Variants in TEC observed in about 807,000 individuals in gnomAD.
TEC encodes tyrosine-protein kinase Tec.
In TEC, 72 loss-of-function variants were observed where a neutral mutation model predicts 93.0. The ratio of observed to expected loss-of-function variants is 0.77; its 90% CI spans 0.64 to 0.94. The LOEUF is 0.94. Ranked by LOEUF, TEC falls within the 40% of genes least tolerant of loss-of-function variation. TEC has a pLI of 0.00. For missense variants in TEC, 630 were observed against 757.9 expected (o/e 0.83, Z 1.98); for synonymous variants, 249 against 247.7 (o/e 1.01, Z -0.05).
intron 1 of TEC, among the ~76,000 whole-genome samples, chr4:48,229,866 G>A (rs1325179923): frequency 6.6e-6 from 1 of 151,608 alleles, no homozygotes; most frequent in Non-Finnish European, 1.5e-5. Flanking sequence ...CTGAGGTCAC[G>A]AGTTTGAGAC....
intron 7 of TEC, among the ~76,000 whole-genome samples, chr4:48,164,878 C>T (rs1327634699): frequency 6.6e-6 from 1 of 152,018 alleles, no homozygotes; most frequent in Non-Finnish European, 1.5e-5. Context: ...TGGAACATGC[C>T]TATAATTCCA....
At chr4:48,179,603 G>A (rs971676072) in intron 2 of TEC, among the ~76,000 whole-genome samples, 6 of 151,238 alleles carry the variant, frequency 4.0e-5, no homozygotes, top group African/African-American at 1.2e-4. Flanking sequence ...TGGCCGGGCT[G>A]GTCTCAAACT....
Position 48,228,652 on chromosome 4 carries a change from C to G in TEC, c.-38G>C. 2 of 1,597,824 alleles carry G rather than the reference C, an allele frequency of 1.3e-6. No homozygotes were observed. Among genetic ancestry groups the G allele is most frequent in the Admixed American group, 3.6e-5 (2 of 56,254 alleles). ...ATTACTCCTCCTGCCACTGAAGATCCCAGTATTCTACAGTGAAAAAAGAAA... is the reference window on the plus strand; with the variant it reads ...ATTACTCCTCCTGCCACTGAAGATCGCAGTATTCTACAGTGAAAAAAGAAA... On this transcript the variant is annotated 5_prime_UTR_variant, in exon 2 of 18. Coordinates refer to ENST00000381501, the MANE Select transcript of TEC (RefSeq NM_003215.3).
intron 1 of TEC, among the ~76,000 whole-genome samples, chr4:48,246,092 A>G (rs34712902): frequency 0.15 from 22,650 of 152,098 alleles, 2,038 homozygotes; most frequent in Non-Finnish European, 0.2. Flanking sequence ...CTGCGTAACA[A>G]GAGTGATACT....
chr4:48,141,395 CACTT>C lies in TEC; in HGVS notation c.1491_1494del (p.Ser498ArgfsTer5). 6.2e-7 allele frequency: 1 copy of C among 1,613,860 alleles called. No homozygotes were observed. Among genetic ancestry groups the C allele is most frequent in the Non-Finnish European group, 8.5e-7 (1 of 1,179,936 alleles). ...TCAGATACTTTTACAACTCCCGCCT[CACTT>C]ACTAGACAATTTCTGGCAGCCTGGA... On this transcript the variant is annotated frameshift_variant, in exon 15 of 18. Transcript: ENST00000381501. LOFTEE classifies it high-confidence loss of function.
chr4:48,150,716 G>C, intron 10 of TEC, 147 bp downstream of exon 10: 2 of 530,726 alleles, frequency 3.8e-6, no homozygotes, highest in Non-Finnish European at 6.5e-6. Context: ...ACAAAAAACA[G>C]TATATACACT....
At chr4:48,252,489 C>A (rs1724229940) in intron 1 of TEC, among the ~76,000 whole-genome samples, 1 of 152,110 alleles carries the variant, frequency 6.6e-6, no homozygotes, top group Non-Finnish European at 1.5e-5. Context: ...GGGTTCTGTC[C>A]CTGGTTCTGC....
At chr4:48,236,327 A>G (rs1339821283) in intron 1 of TEC, among the ~76,000 whole-genome samples, 3 of 151,554 alleles carry the variant, frequency 2.0e-5, no homozygotes, top group Admixed American at 6.6e-5. Context: ...TGTCGCCCAG[A>G]CTGGAGTGCA....
intron 2 of TEC, among the ~76,000 whole-genome samples, chr4:48,179,362 ATATATATATATATATTTTTTTT>A (rs1721479371): frequency 2.5e-5 from 1 of 39,444 alleles, no homozygotes; most frequent in Non-Finnish European, 5.1e-5. Context: ...ATATATATAT[ATATATATATATATATTTTTTTT>A]TTTTTTTTTT....
chr4:48,177,326 C>T (rs1467588521), intron 2 of TEC, among the ~76,000 whole-genome samples: 4 of 152,180 alleles, frequency 2.6e-5, no homozygotes, highest in Admixed American at 6.5e-5. Context: ...GTTACTTTTT[C>T]TTCATTGGTA....
chr4:48,182,532 ACT>A (rs1721633472), intron 2 of TEC, among the ~76,000 whole-genome samples: 2 of 71,942 alleles, frequency 2.8e-5, no homozygotes, highest in East Asian at 8.0e-4. Flanking sequence ...CATGGGCAAT[ACT>A]CTGTGTGTGT....
intron 1 of TEC, among the ~76,000 whole-genome samples, chr4:48,234,393 A>AC (rs35816327): frequency 1.3e-5 from 2 of 151,990 alleles, no homozygotes; most frequent in Non-Finnish European, 2.9e-5. Context: ...AGGTAAAGGG[A>AC]CCCCCTCCCC....
intron 2 of TEC, among the ~76,000 whole-genome samples, chr4:48,208,636 T>G (rs1912163): frequency 0.16 from 24,099 of 151,970 alleles, 2,882 homozygotes; most frequent in African/African-American, 0.32. Context: ...TCTTCCTAAG[T>G]TCTCTATTCC....
chr4:48,165,875 A>G (rs1720854527), intron 7 of TEC, among the ~76,000 whole-genome samples: 2 of 152,202 alleles, frequency 1.3e-5, no homozygotes. Context: ...GGAAACTGGA[A>G]TTACATAATT....
chr4:48,145,415 CT>C lies in TEC; in HGVS notation c.1245del (p.Val416Ter). On this transcript the variant is annotated frameshift_variant, in exon 13 of 18. Coordinates refer to ENST00000381501, the MANE Select transcript of TEC (RefSeq NM_003215.3). LOFTEE classifies it high-confidence loss of function. ...AAGATGATAGCAACTTACATCATCACTTTAGCTTCTTCTATAAAGTCCTCCT... is the reference window on the plus strand; with the variant it reads ...AAGATGATAGCAACTTACATCATCACTTAGCTTCTTCTATAAAGTCCTCCT... ...MCEEDFIEEAKVMMKLTHPKL... is the reference protein window; with the variant it reads ...MCEEDFIEEAXVMMKLTHPKL... 1 of 1,614,148 alleles carries C rather than the reference CT, an allele frequency of 6.2e-7. No individual in the cohort carries two copies. Among genetic ancestry groups the C allele is most frequent in the Non-Finnish European group, 8.5e-7 (1 of 1,180,020 alleles).
At chr4:48,211,324 T>G (rs1722890494) in intron 2 of TEC, among the ~76,000 whole-genome samples, 1 of 152,210 alleles carries the variant, frequency 6.6e-6, no homozygotes, top group South Asian at 2.1e-4. Flanking sequence ...AATTTTGGTC[T>G]TGTTTCCTGC....
At chr4:48,178,712 C>T (rs1340627633) in intron 2 of TEC, among the ~76,000 whole-genome samples, 1 of 152,298 alleles carries the variant, frequency 6.6e-6, no homozygotes, top group Admixed American at 6.5e-5. Context: ...GAAGGAAGGA[C>T]ATCCTCTCTG....
intron 2 of TEC, among the ~76,000 whole-genome samples, chr4:48,177,126 C>A (rs79739642): frequency 1.3e-5 from 2 of 152,170 alleles, no homozygotes; most frequent in Admixed American, 6.5e-5. Context: ...ATCATCCACA[C>A]CTTTAAGCAT....
chr4:48,228,841 C>T (rs1723563711), intron 1 of TEC, among the ~76,000 whole-genome samples, 182 bp from the exon 2 acceptor site: 1 of 152,146 alleles, frequency 6.6e-6, no homozygotes, highest in Non-Finnish European at 1.5e-5. Flanking sequence ...TTCCAGTTTC[C>T]ATCCTGCTCC....
Sources: allele counts gnomAD v4.1 joint callset (sites outside exome capture counted in the v4.1 genomes callset), GRCh38; gene constraint gnomAD v4.1.1; transcripts MANE v1.5; gene names NCBI Gene and HGNC (gene_info 2026-07-23, HGNC 2026-07-21).